Variants in NBEAL1 observed in about 807,000 individuals in gnomAD.
NBEAL1 encodes neurobeachin-like protein 1.
A neutral mutation model predicts 351.3 loss-of-function variants in NBEAL1; 273 were observed. The ratio of observed to expected loss-of-function variants is 0.78; its 90% CI spans 0.70 to 0.86. The LOEUF (loss-of-function observed/expected upper bound fraction) is 0.86, where lower values mean the gene tolerates loss of function less well. NBEAL1 is among the 40% of genes least tolerant of loss of function. The probability of loss-of-function intolerance (pLI) is 0.00; values close to 1 mark genes in which losing one functional copy is unlikely to be tolerated. For synonymous variants in NBEAL1, 1,050 were observed against 1,086.4 expected, an observed-to-expected ratio of 0.97 and a Z score of 0.66; for missense variants, 2,961 against 3,201.3, an observed-to-expected ratio of 0.92 and a Z score of 1.81.
intron 9 of NBEAL1, 27 bp from the exon 10 acceptor site, chr2:203,084,436 T>C: frequency 8.1e-7 from 1 of 1,236,366 alleles, no homozygotes; most frequent in Non-Finnish European, 1.1e-6. Context: ...CATTTTTACA[T>C]GGATGATTTT....
At chr2:203,112,790 G>A (rs1228075054) in intron 16 of NBEAL1, among the ~76,000 whole-genome samples, 1 of 152,158 alleles carries the variant, frequency 6.6e-6, no homozygotes, top group East Asian at 1.9e-4. Flanking sequence ...AATAGTCATA[G>A]AAGTAATGCA....
chr2:203,134,943 AG>A (rs2063164338), intron 27 of NBEAL1, among the ~76,000 whole-genome samples: 1 of 152,178 alleles, frequency 6.6e-6, no homozygotes, highest in Non-Finnish European at 1.5e-5. Flanking sequence ...TGGGAAGCCG[AG>A]GCAGGCAGAT....
intron 43 of NBEAL1, chr2:203,182,451 G>C (rs1342129719): frequency 1.3e-5 from 2 of 152,098 alleles, no homozygotes; most frequent in Non-Finnish European, 2.9e-5. Flanking sequence ...CCAACCCCTA[G>C]ACCAGTCACC....
At chr2:203,160,760 C>T (rs1006626377) in intron 36 of NBEAL1, among the ~76,000 whole-genome samples, 1 of 152,136 alleles carries the variant, frequency 6.6e-6, no homozygotes, top group Non-Finnish European at 1.5e-5. Flanking sequence ...CCTGTTTTAA[C>T]CGGCTGTGTG....
rs771207303 is a variant in NBEAL1, at chr2:203,145,072, C to A, written c.5216C>A (p.Ala1739Glu). 9 of 1,612,792 alleles carry A rather than the reference C, an allele frequency of 5.6e-6. No individual in the cohort carries two copies. The South Asian group carries it at 9.9e-5, about 18-fold the overall frequency. The change falls in exon 33 of 56, where the codon GCA (alanine) becomes GAA (glutamate). Residue 1739 changes from alanine to glutamate, a missense_variant. Coordinates refer to ENST00000683969, the MANE Select transcript of NBEAL1 (RefSeq NM_001378026.1). ...TTTTACGATGGTCATGAGAACATGG[C>A]ACTTTATTGGAAGGATTGTTATGAA... is the stretch of plus-strand genomic sequence containing the variant. ...HTFYDGHENMALYWKDCYEAL... is the reference protein window; with the variant it reads ...HTFYDGHENMELYWKDCYEAL...
intron 17 of NBEAL1, among the ~76,000 whole-genome samples, chr2:203,114,754 TG>T (rs200008793): frequency 1.3e-5 from 2 of 152,090 alleles, no homozygotes; most frequent in Admixed American, 6.6e-5. Context: ...TGTTTTTTTT[TG>T]TTTGTTTGTT....
intron 15 of NBEAL1, among the ~76,000 whole-genome samples, chr2:203,111,202 A>G (rs954211961): frequency 1.3e-5 from 2 of 152,068 alleles, no homozygotes; most frequent in African/African-American, 4.8e-5. Flanking sequence ...GAGGTGGCAC[A>G]CACCTATAAT....
In NBEAL1 at chr2:203,056,563, T is replaced by TTTTG. The variant is rs1465749652; in HGVS notation, c.387+71_387+74dup. On this transcript the variant is annotated intron_variant, in intron 5 of 55. Transcript: ENST00000683969. ...TTACTGAGAACAACTAGGTTTTACT[T>TTTTG]TTTGTTTGTTTGTTTGTTTTGAGAT... 8 of 1,019,292 alleles carry TTTTG rather than the reference T, an allele frequency of 7.8e-6. 1 individual carries two copies. Among genetic ancestry groups the TTTTG allele is most frequent in the South Asian group, 4.2e-5 (3 of 71,750 alleles). The allele number at this position is 1,019,292 out of a possible 1,614,324, so 63.1% of individuals were successfully genotyped here.
At chr2:203,193,187 G>A (rs114151600) in intron 46 of NBEAL1, among the ~76,000 whole-genome samples, 1 of 151,748 alleles carries the variant, frequency 6.6e-6, no homozygotes, top group Non-Finnish European at 1.5e-5. Context: ...AGCCAGTATG[G>A]TCTTGAACTT....
In NBEAL1 at chr2:203,223,515, C is replaced by G. The variant is rs79206510; in HGVS notation, c.*6161C>G. Among the ~76,000 whole-genome samples, 1 of 151,796 alleles carries G rather than the reference C, an allele frequency of 6.6e-6. No homozygotes were observed. Among genetic ancestry groups the G allele is most frequent in the Non-Finnish European group, 1.5e-5 (1 of 67,896 alleles). On this transcript the variant is annotated 3_prime_UTR_variant, in exon 56 of 56. Coordinates refer to ENST00000683969, the MANE Select transcript of NBEAL1 (RefSeq NM_001378026.1). ...ATTTTTCAGTGTACAGAGTGATTAG[C>G]GGCTTGTAATGCTGTTACAATGTAG...
At chr2:203,064,624 A>T (rs2061551995) in intron 6 of NBEAL1, among the ~76,000 whole-genome samples, 1 of 152,150 alleles carries the variant, frequency 6.6e-6, no homozygotes, top group Non-Finnish European at 1.5e-5. Context: ...GAACATTCTA[A>T]TTTTTTTAAA....
rs1238887288 is a variant in NBEAL1, at chr2:203,122,681, C to G, written c.2682+338C>G. On this transcript the variant is annotated intron_variant, in intron 19 of 55. Transcript: ENST00000683969. ...GCCATGTCTGTATGGGTTCTCAAAT[C>G]TTATTTTCCTTTTTCATTGGCCTCA... is the stretch of plus-strand genomic sequence containing the variant. 2.0e-5 allele frequency among the ~76,000 whole-genome samples: 3 copies of G among 152,114 alleles called. No homozygotes were observed. The South Asian group carries it at 6.2e-4, about 32-fold the overall frequency.
In NBEAL1 at chr2:203,125,254, G is replaced by T. The variant is rs944222580; in HGVS notation, c.2683-98G>T. On this transcript the variant is annotated intron_variant, in intron 19 of 55. Transcript: ENST00000683969. ...TAGGTTATCCTGTACATTGCTCAAA[G>T]GTTTATCTAGCAGATTATAACTTCA... The T allele has an allele frequency of 2.1e-5, 19 of 907,646 alleles. 1 individual carries two copies. The African/African-American group carries it at 2.8e-4, about 13-fold the overall frequency. The allele number at this position is 907,646 out of a possible 1,614,324, so 56.2% of individuals were successfully genotyped here.
chr2:203,217,643 G>A lies in NBEAL1; in HGVS notation c.*289G>A. 3.1e-6 allele frequency: 3 copies of A among 981,484 alleles called. No homozygotes were observed. Among genetic ancestry groups the A allele is most frequent in the Non-Finnish European group, 3.7e-6 (3 of 815,078 alleles). 60.8% of individuals were successfully genotyped at this position (981,484 alleles called of 1,614,324 possible). A position where few individuals can be genotyped will look rare whatever the true frequency, so the allele number is the denominator to read the frequency against. On this transcript the variant is annotated 3_prime_UTR_variant, in exon 56 of 56. Coordinates refer to ENST00000683969, the MANE Select transcript of NBEAL1 (RefSeq NM_001378026.1). ...GTTCAATTTTCTTATTATTCCAAAT[G>A]ATAAAATTTAAGATTTTTCTAATAA...
intron 28 of NBEAL1, 112 bp downstream of exon 28, chr2:203,136,364 C>T: frequency 1.1e-6 from 1 of 903,650 alleles, no homozygotes; most frequent in East Asian, 2.7e-5. Flanking sequence ...TATTCATGTT[C>T]TAAGTTTCAT....
At chr2:203,021,319 T>C (rs999182376) in intron 2 of NBEAL1, among the ~76,000 whole-genome samples, 1 of 149,912 alleles carries the variant, frequency 6.7e-6, no homozygotes, top group African/African-American at 2.4e-5. Flanking sequence ...TCAGGGCAGG[T>C]GTGGTGGCTC....
chr2:203,016,147 C>A lies in NBEAL1; in HGVS notation c.-229-9C>A. On this transcript the variant is annotated splice_polypyrimidine_tract_variant and intron_variant, in intron 1 of 55. Coordinates refer to ENST00000683969, the MANE Select transcript of NBEAL1 (RefSeq NM_001378026.1). ...TTTTCTAACCTGTGGATGTTTTTCT[C>A]TTTCACAGATTTATTTAATTGCCCA... The A allele has an allele frequency of 2.9e-6, 1 of 349,272 alleles. No individual in the cohort carries two copies. The highest frequency in any genetic ancestry group is 5.1e-6 in the Non-Finnish European group (1 of 196,528). 21.6% of individuals were successfully genotyped at this position (349,272 alleles called of 1,614,324 possible). A position where few individuals can be genotyped will look rare whatever the true frequency, so the allele number is the denominator to read the frequency against.
At chr2:203,156,145 A>T (rs962480807) in intron 35 of NBEAL1, among the ~76,000 whole-genome samples, 1 of 152,202 alleles carries the variant, frequency 6.6e-6, no homozygotes, top group Non-Finnish European at 1.5e-5. Flanking sequence ...TCCATATATT[A>T]GTTGCTGAAA....
Position 203,104,983 on chromosome 2 carries a change from C to T in NBEAL1, c.1270-2437C>T, listed in dbSNP as rs547223573. Among the ~76,000 whole-genome samples the T allele has an allele frequency of 5.9e-5, 9 of 152,042 alleles. No homozygotes were observed. The South Asian group carries it at 8.3e-4, about 14-fold the overall frequency. On this transcript the variant is annotated intron_variant, in intron 12 of 55. Coordinates refer to ENST00000683969, the MANE Select transcript of NBEAL1 (RefSeq NM_001378026.1). ...CAAGCAATTCACCTGCCTCAGCCTC[C>T]GGAGTAGCTGGGATTACAGGTGCTT...
Sources: gnomAD v4.1 joint callset for allele counts (sites outside exome capture counted in the v4.1 genomes callset) on GRCh38, gnomAD v4.1.1 for gene constraint, MANE v1.5 for transcripts, NCBI Gene and HGNC (gene_info 2026-07-23, HGNC 2026-07-21) for gene names.